DNER: variants seen among roughly 807,000 people sequenced by gnomAD.
DNER encodes delta and Notch-like epidermal growth factor-related receptor.
DNER carries 33 observed loss-of-function variants against 78.2 expected under a neutral mutation model. The observed-to-expected ratio is 0.42, with a 90% CI of 0.32 to 0.56. The LOEUF is 0.56. Among genes scored for constraint, DNER ranks in the 20% least tolerant of loss-of-function variants. The pLI is 0.11. For missense variants in DNER, 918 were observed against 975.3 expected, an observed-to-expected ratio of 0.94 and a Z score of 0.78; for synonymous variants, 417 against 384.8, an observed-to-expected ratio of 1.08 and a Z score of -0.98.
chr2:229,709,948 CCT>C (rs1358325127), intron 1 of DNER, among the ~76,000 whole-genome samples: 2 of 152,188 alleles, frequency 1.3e-5, no homozygotes. Context: ...GCCACTGCCA[CCT>C]CTGATACCTG....
At chr2:229,554,860 GA>G (rs1308445092) in intron 4 of DNER, among the ~76,000 whole-genome samples, 10 of 35,442 alleles carry the variant, frequency 2.8e-4, no homozygotes, top group Admixed American at 2.0e-3. Flanking sequence ...GAAAGGAAAA[GA>G]GAAGAGAAGA....
chr2:229,518,963 T>TA (rs1342235638), intron 5 of DNER, among the ~76,000 whole-genome samples: 5 of 151,716 alleles, frequency 3.3e-5, no homozygotes, highest in East Asian at 1.9e-4. Flanking sequence ...CTTTTTTTTT[T>TA]TTTTATTTTT....
intron 1 of DNER, among the ~76,000 whole-genome samples, chr2:229,700,315 T>TGA (rs1699725095): frequency 1.3e-5 from 2 of 149,150 alleles, no homozygotes; most frequent in Non-Finnish European, 3.0e-5. Context: ...TGTGTGTGTG[T>TGA]GTGTATAGGG....
intron 8 of DNER, among the ~76,000 whole-genome samples, chr2:229,423,043 T>C (rs1245785011): frequency 6.6e-6 from 1 of 152,164 alleles, no homozygotes; most frequent in Non-Finnish European, 1.5e-5. Context: ...TTCTTAATGG[T>C]GGCTGTGCTA....
chr2:229,400,732 T>G (rs562269373), intron 10 of DNER, among the ~76,000 whole-genome samples: 1 of 152,068 alleles, frequency 6.6e-6, no homozygotes, highest in South Asian at 2.1e-4. Context: ...AACAAATCTT[T>G]CATCCAGAAG....
intron 6 of DNER, among the ~76,000 whole-genome samples, chr2:229,506,272 AT>A (rs1303334583): frequency 6.6e-6 from 1 of 152,182 alleles, no homozygotes; most frequent in African/African-American, 2.4e-5. Context: ...AAAGAGAAGA[AT>A]GAGAACTGAG....
intron 1 of DNER, among the ~76,000 whole-genome samples, chr2:229,641,298 T>A (rs1471759593): frequency 6.6e-6 from 1 of 152,158 alleles, no homozygotes; most frequent in Non-Finnish European, 1.5e-5. Flanking sequence ...GATGGATCTT[T>A]AATAGTATGT....
At chr2:229,631,328 C>T (rs1417139119) in intron 1 of DNER, among the ~76,000 whole-genome samples, 1 of 152,092 alleles carries the variant, frequency 6.6e-6, no homozygotes, top group Non-Finnish European at 1.5e-5. Context: ...ACAAGTGTTT[C>T]CTGATCATTT....
At chr2:229,699,605 T>C (rs1206238279) in intron 1 of DNER, among the ~76,000 whole-genome samples, 1 of 152,164 alleles carries the variant, frequency 6.6e-6, no homozygotes, top group African/African-American at 2.4e-5. Context: ...GCTCAAGCGA[T>C]CCACCCACCC....
rs189430818 is a variant in DNER at position 229,641,235 on chromosome 2, G to T, written c.277-49347C>A. On this transcript the variant is annotated intron_variant, in intron 1 of 12. Transcript: ENST00000341772. Reference sequence around the variant, plus strand: ...GCAAGGCTGACTGAACTGGAGTGGGGGTGAGGTTAGAGGCAGCTGAGGGGA... The same window carrying T: ...GCAAGGCTGACTGAACTGGAGTGGGTGTGAGGTTAGAGGCAGCTGAGGGGA... 2.2e-3 allele frequency among the ~76,000 whole-genome samples: 329 copies of T among 152,296 alleles called. 1 individual carries two copies. Among genetic ancestry groups the T allele is most frequent in the African/African-American group, 7.5e-3 (313 of 41,558 alleles).
At chr2:229,618,932 T>C (rs917986819) in intron 1 of DNER, among the ~76,000 whole-genome samples, 2 of 152,110 alleles carry the variant, frequency 1.3e-5, no homozygotes, top group Admixed American at 6.5e-5. Context: ...CCAGGAGTTC[T>C]AGACCAGGCT....
chr2:229,682,715 G>A (rs1479950119), intron 1 of DNER, among the ~76,000 whole-genome samples: 1 of 152,150 alleles, frequency 6.6e-6, no homozygotes, highest in Non-Finnish European at 1.5e-5. Flanking sequence ...GGGCGTGGTG[G>A]TGGGGGCCTG....
intron 5 of DNER, among the ~76,000 whole-genome samples, chr2:229,531,697 A>C (rs1040403204): frequency 2.6e-5 from 4 of 152,220 alleles, no homozygotes; most frequent in Admixed American, 6.5e-5. Flanking sequence ...GACTTAAACA[A>C]ATACTTGTAC....
At chr2:229,424,643 A>T (rs1419096619) in intron 8 of DNER, among the ~76,000 whole-genome samples, 1 of 152,106 alleles carries the variant, frequency 6.6e-6, no homozygotes, top group Non-Finnish European at 1.5e-5. Context: ...ATTGTATTAC[A>T]GCCCTACCCT....
intron 5 of DNER, among the ~76,000 whole-genome samples, chr2:229,533,135 T>G (rs1696337350): frequency 6.6e-6 from 1 of 152,042 alleles, no homozygotes; most frequent in Non-Finnish European, 1.5e-5. Context: ...AAAACTAAAT[T>G]AAGGGTTCTC....
At chr2:229,533,700 C>A (rs1297180990) in intron 5 of DNER, among the ~76,000 whole-genome samples, 1 of 152,038 alleles carries the variant, frequency 6.6e-6, no homozygotes, top group African/African-American at 2.4e-5. Context: ...CATGGAACAC[C>A]CTTTCTCCTC....
intron 1 of DNER, among the ~76,000 whole-genome samples, chr2:229,639,034 G>A (rs145740564): frequency 2.5e-3 from 380 of 152,298 alleles, no homozygotes; most frequent in Non-Finnish European, 4.5e-3. Context: ...TGACTCCCCA[G>A]TTTTCTGAAT....
intron 9 of DNER, among the ~76,000 whole-genome samples, chr2:229,412,916 G>A (rs541527417): frequency 5.9e-5 from 9 of 152,156 alleles, no homozygotes; most frequent in Non-Finnish European, 7.4e-5. Flanking sequence ...ACCTCTTTTA[G>A]TGGAATGATG....
chr2:229,649,660 T>TATATATAAATTG (rs1698776978), intron 1 of DNER, among the ~76,000 whole-genome samples: 2 of 152,204 alleles, frequency 1.3e-5, no homozygotes, highest in Non-Finnish European at 2.9e-5. Context: ...AAGGAGGGTT[T>TATATATAAATTG]TGTATTTATA....
Sources: gnomAD v4.1 joint callset for allele counts (sites outside exome capture counted in the v4.1 genomes callset) on GRCh38, gnomAD v4.1.1 for gene constraint, MANE v1.5 for transcripts, NCBI Gene and HGNC (gene_info 2026-07-23, HGNC 2026-07-21) for gene names.